NRG3: variants seen among roughly 807,000 people sequenced by gnomAD.
The protein encoded by NRG3 is pro-neuregulin-3, membrane-bound isoform.
In NRG3, 31 loss-of-function variants were observed where a neutral mutation model predicts 66.9. That is an observed-to-expected ratio of 0.46 (90% CI 0.35 to 0.63). NRG3 has a LOEUF of 0.63. Ranked by LOEUF, NRG3 falls within the 20% of genes least tolerant of loss-of-function variation. NRG3 has a pLI of 0.00. For missense variants in NRG3, 910 were observed against 878.9 expected (o/e 1.04, Z -0.45); for synonymous variants, 393 against 359.4 (o/e 1.09, Z -1.06).
intron 4 of NRG3, among the ~76,000 whole-genome samples, chr10:82,889,950 G>A (rs1843004618): frequency 6.6e-6 from 1 of 152,130 alleles, no homozygotes; most frequent in South Asian, 2.1e-4. Flanking sequence ...CTTCTGTTTT[G>A]ACAAAGATAG....
At chr10:82,655,589 T>A (rs2051777270) in intron 2 of NRG3, among the ~76,000 whole-genome samples, 1 of 152,168 alleles carries the variant, frequency 6.6e-6, no homozygotes, top group Non-Finnish European at 1.5e-5. Flanking sequence ...TTAAGACAAA[T>A]TTAGTAAAAA....
At position 81,943,530 on chromosome 10, in the gene NRG3, A is replaced by G. The variant is rs77126274; in HGVS notation, c.823+67367A>G. Reference sequence around the variant, plus strand: ...AAGAGAGAAAAAGATGAAATCTTGCAACTTCCATCCCATTTCCATTGCATA... The same window carrying G: ...AAGAGAGAAAAAGATGAAATCTTGCGACTTCCATCCCATTTCCATTGCATA... On this transcript the variant is annotated intron_variant, in intron 1 of 8. Coordinates refer to ENST00000372141, the MANE Select transcript of NRG3 (RefSeq NM_001010848.4). Among the ~76,000 whole-genome samples the G allele has an allele frequency of 2.8e-3, 432 of 152,324 alleles. 1 individual carries two copies. Among genetic ancestry groups the G allele is most frequent in the African/African-American group, 0.01 (418 of 41,584 alleles).
chr10:82,963,871 G>T (rs781590662), intron 6 of NRG3, among the ~76,000 whole-genome samples: 27 of 152,054 alleles, frequency 1.8e-4, no homozygotes, highest in Non-Finnish European at 2.8e-4. Context: ...GTCTCTCTGG[G>T]CCTGATAAAT....
chr10:81,972,878 G>A (rs1396884072), intron 1 of NRG3, among the ~76,000 whole-genome samples: 4 of 152,068 alleles, frequency 2.6e-5, no homozygotes, highest in Non-Finnish European at 5.9e-5. Flanking sequence ...TAATTTAATT[G>A]CATCATTAAT....
At chr10:82,723,136 G>A (rs1172794339) in intron 2 of NRG3, among the ~76,000 whole-genome samples, 3 of 152,126 alleles carry the variant, frequency 2.0e-5, no homozygotes, top group Non-Finnish European at 2.9e-5. Context: ...ATACTACACA[G>A]CCATAAAAAG....
chr10:82,005,178 C>T (rs7097957), intron 1 of NRG3, among the ~76,000 whole-genome samples: 12 of 152,110 alleles, frequency 7.9e-5, no homozygotes, highest in African/African-American at 1.2e-4. Flanking sequence ...GTTTCCTTGG[C>T]AAAAGCCTTG....
rs2084715554 is a variant in NRG3, at chr10:82,368,996, C to CT, written c.953+10129dup. 1.4e-5 allele frequency among the ~76,000 whole-genome samples: 2 copies of CT among 138,802 alleles called. 1 individual carries two copies. The highest frequency in any genetic ancestry group is 4.3e-4 in the South Asian group (2 of 4,676). The allele number at this position is 138,802 out of a possible 152,430, so 91.1% of individuals were successfully genotyped here. Reference sequence around the variant, plus strand: ...TGTGGTCTGCCCATCTCTGGGGCTACTGAAAGGATTCTTCCTCCAACCTAA... The same window carrying CT: ...TGTGGTCTGCCCATCTCTGGGGCTACTTGAAAGGATTCTTCCTCCAACCTAA... On this transcript the variant is annotated intron_variant, in intron 2 of 8. Transcript: ENST00000372141.
At position 82,517,051 on chromosome 10, in the gene NRG3, C is replaced by T. The variant is rs182644088; in HGVS notation, c.953+158183C>T. 2.3e-3 allele frequency among the ~76,000 whole-genome samples: 346 copies of T among 152,184 alleles called. 1 individual carries two copies. Among genetic ancestry groups the T allele is most frequent in the African/African-American group, 7.7e-3 (320 of 41,528 alleles). ...AAAAATGGGAATACATAAGATGCTTCCTATGCAAATAAATTTCATGAATTT... is the reference window on the plus strand; with the variant it reads ...AAAAATGGGAATACATAAGATGCTTTCTATGCAAATAAATTTCATGAATTT... On this transcript the variant is annotated intron_variant, in intron 2 of 8. Coordinates refer to ENST00000372141, the MANE Select transcript of NRG3 (RefSeq NM_001010848.4).
intron 1 of NRG3, among the ~76,000 whole-genome samples, chr10:81,966,128 C>T (rs1334803945): frequency 1.3e-5 from 2 of 151,684 alleles, no homozygotes; most frequent in African/African-American, 2.4e-5. Flanking sequence ...TGTTTTTCAA[C>T]ACATTCAAAG....
chr10:82,446,650 G>A (rs1334420109), intron 2 of NRG3, among the ~76,000 whole-genome samples: 1 of 152,174 alleles, frequency 6.6e-6, no homozygotes, highest in East Asian at 1.9e-4. Flanking sequence ...AGGGAGTACG[G>A]AGAGGTAAAG....
chr10:82,432,038 C>T (rs2089844115), intron 2 of NRG3, among the ~76,000 whole-genome samples: 1 of 152,108 alleles, frequency 6.6e-6, no homozygotes, highest in African/African-American at 2.4e-5. Context: ...ACACAAAAAA[C>T]AAAACAGCAA....
chr10:82,030,487 A>C (rs1410778898), intron 1 of NRG3, among the ~76,000 whole-genome samples: 1 of 152,088 alleles, frequency 6.6e-6, no homozygotes, highest in African/African-American at 2.4e-5. Context: ...CAGTAGTTAC[A>C]CATAAGACAT....
At chr10:82,802,882 C>T (rs548474302) in intron 3 of NRG3, among the ~76,000 whole-genome samples, 19 of 152,030 alleles carry the variant, frequency 1.2e-4, no homozygotes, top group African/African-American at 4.1e-4. Flanking sequence ...GCCATTTTGC[C>T]CAGGCTGGTC....
intron 2 of NRG3, among the ~76,000 whole-genome samples, chr10:82,475,027 T>C (rs1191607900): frequency 6.7e-6 from 1 of 149,728 alleles, no homozygotes; most frequent in Admixed American, 6.7e-5. Context: ...AGATCTTAAA[T>C]CCACAGCCTA....
intron 1 of NRG3, among the ~76,000 whole-genome samples, chr10:82,196,743 G>C (rs907545513): frequency 2.0e-5 from 3 of 152,180 alleles, no homozygotes; most frequent in Non-Finnish European, 4.4e-5. Context: ...CAGTGAGTGA[G>C]TGAGTGAGTG....
At chr10:82,039,154 A>G (rs2062920357) in intron 1 of NRG3, among the ~76,000 whole-genome samples, 1 of 152,132 alleles carries the variant, frequency 6.6e-6, no homozygotes, top group East Asian at 1.9e-4. Flanking sequence ...CTCATTAGTT[A>G]TATTTTACAA....
intron 3 of NRG3, among the ~76,000 whole-genome samples, chr10:82,799,120 C>T (rs982109188): frequency 2.2e-4 from 34 of 152,064 alleles, no homozygotes; most frequent in African/African-American, 2.4e-4. Flanking sequence ...AGATAATTTC[C>T]AAGAACAGAG....
At chr10:82,732,010 A>G (rs1021795946) in intron 2 of NRG3, among the ~76,000 whole-genome samples, 1 of 152,212 alleles carries the variant, frequency 6.6e-6, no homozygotes, top group African/African-American at 2.4e-5. Flanking sequence ...TGTTCTCACC[A>G]CAAATAACAT....
intron 1 of NRG3, among the ~76,000 whole-genome samples, chr10:82,337,763 T>C (rs925367909): frequency 6.6e-6 from 1 of 151,834 alleles, no homozygotes; most frequent in East Asian, 1.9e-4. Flanking sequence ...ATGTATATAT[T>C]CTTTGGAAAA....
Sources: gnomAD v4.1 joint callset for allele counts (sites outside exome capture counted in the v4.1 genomes callset) on GRCh38, gnomAD v4.1.1 for gene constraint, MANE v1.5 for transcripts, NCBI Gene and HGNC (gene_info 2026-07-23, HGNC 2026-07-21) for gene names.